ZNF521: variants seen among roughly 807,000 people sequenced by gnomAD.
The protein encoded by ZNF521 is LYST-interacting protein 3.
Under a neutral mutation model 105.5 loss-of-function variants are expected in ZNF521, and 14 were observed. That is an observed-to-expected ratio of 0.13 (90% CI 0.09 to 0.21). The LOEUF is 0.21. Ranked by LOEUF, ZNF521 falls within the 10% of genes least tolerant of loss-of-function variation. The probability of loss-of-function intolerance (pLI) is 1.00; values close to 1 mark genes in which losing one functional copy is unlikely to be tolerated. For missense variants in ZNF521, 1,233 were observed against 1,629.7 expected (o/e 0.76, Z 4.19); for synonymous variants, 635 against 606.0 (o/e 1.05, Z -0.70).
In ZNF521 at chr18:25,277,541, A is replaced by G. The variant is rs551835624; in HGVS notation, c.220+44467T>C. Among the ~76,000 whole-genome samples, 6 of 152,354 alleles carry G rather than the reference A, an allele frequency of 3.9e-5. No individual in the cohort carries two copies. The East Asian group carries it at 9.6e-4, about 24-fold the overall frequency. ...AAGTAAAATATGCATAAATGATTGT[A>G]CTGACAGAAACCTGAGTGCCAAAGG... is the stretch of plus-strand genomic sequence containing the variant. On this transcript the variant is annotated intron_variant, in intron 3 of 7. Coordinates refer to ENST00000361524, the MANE Select transcript of ZNF521 (RefSeq NM_015461.3).
At chr18:25,290,843 T>C (rs751975617) in intron 3 of ZNF521, among the ~76,000 whole-genome samples, 2 of 152,080 alleles carry the variant, frequency 1.3e-5, no homozygotes, top group African/African-American at 2.4e-5. Flanking sequence ...CGTGAGCCAC[T>C]GCACCCAGCT....
At chr18:25,190,068 C>T (rs190319544) in intron 5 of ZNF521, among the ~76,000 whole-genome samples, 25 of 152,202 alleles carry the variant, frequency 1.6e-4, no homozygotes, top group Admixed American at 1.4e-3. Flanking sequence ...TGTAGAAACC[C>T]TTTATGGGCT....
intron 3 of ZNF521, among the ~76,000 whole-genome samples, chr18:25,291,824 T>C (rs1417335742): frequency 2.0e-5 from 3 of 152,148 alleles, no homozygotes; most frequent in Non-Finnish European, 4.4e-5. Context: ...TTTCTGAGTT[T>C]CCAGAATACA....
intron 7 of ZNF521, 103 bp from the exon 8 acceptor site, chr18:25,062,844 C>CATGTAATT (rs1305772548): frequency 9.2e-7 from 1 of 1,091,350 alleles, no homozygotes; most frequent in East Asian, 2.6e-5. Context: ...AGCATATATA[C>CATGTAATT]ATGTAATTAA....
At chr18:25,106,911 T>G (rs2034084318) in intron 5 of ZNF521, among the ~76,000 whole-genome samples, 1 of 152,184 alleles carries the variant, frequency 6.6e-6, no homozygotes, top group Non-Finnish European at 1.5e-5. Flanking sequence ...CTAGGCCTGG[T>G]ATGTTAGCAA....
chr18:25,313,824 T>G (rs1055161533), intron 3 of ZNF521, among the ~76,000 whole-genome samples: 1 of 152,072 alleles, frequency 6.6e-6, no homozygotes, highest in African/African-American at 2.4e-5. Context: ...AAAATGCATA[T>G]AGAGATGGGC....
intron 4 of ZNF521, among the ~76,000 whole-genome samples, chr18:25,200,084 C>T (rs1308359642): frequency 6.6e-6 from 1 of 152,038 alleles, no homozygotes; most frequent in African/African-American, 2.4e-5. Context: ...TATAACCAAG[C>T]CAGGATTCTA....
chr18:25,115,002 A>T (rs1323103213), intron 5 of ZNF521, among the ~76,000 whole-genome samples: 2 of 152,026 alleles, frequency 1.3e-5, no homozygotes, highest in Admixed American at 6.6e-5. Flanking sequence ...TCCTTTATAA[A>T]TTTGCTGTTT....
intron 3 of ZNF521, among the ~76,000 whole-genome samples, chr18:25,282,723 G>T (rs1228721140): frequency 6.6e-6 from 1 of 152,042 alleles, no homozygotes; most frequent in Non-Finnish European, 1.5e-5. Flanking sequence ...CACCTAAAAA[G>T]AAATATTATT....
chr18:25,269,984 A>T (rs1568046191), intron 3 of ZNF521, among the ~76,000 whole-genome samples: 1 of 151,828 alleles, frequency 6.6e-6, no homozygotes, highest in Non-Finnish European at 1.5e-5. Flanking sequence ...GCCCTTCAAA[A>T]AATCCAGGAG....
At chr18:25,137,631 C>G (rs923809025) in intron 5 of ZNF521, among the ~76,000 whole-genome samples, 7 of 152,098 alleles carry the variant, frequency 4.6e-5, no homozygotes, top group Admixed American at 3.9e-4. Flanking sequence ...CTTCATTTTT[C>G]CTGTCCAGAT....
chr18:25,113,254 G>C (rs1408213258), intron 5 of ZNF521, among the ~76,000 whole-genome samples: 2 of 151,978 alleles, frequency 1.3e-5, no homozygotes, highest in Non-Finnish European at 2.9e-5. Context: ...GTCCACCAGG[G>C]AGCCCAGCCT....
chr18:25,332,811 T>C (rs1913653549), intron 2 of ZNF521, among the ~76,000 whole-genome samples: 1 of 152,150 alleles, frequency 6.6e-6, no homozygotes, highest in Admixed American at 6.5e-5. Flanking sequence ...GTGCATTCAA[T>C]CTGCATGTAT....
chr18:25,093,336 C>T (rs888636871), intron 5 of ZNF521, among the ~76,000 whole-genome samples: 9 of 152,148 alleles, frequency 5.9e-5, no homozygotes, highest in African/African-American at 2.2e-4. Flanking sequence ...TATCACATTA[C>T]ACTTTTATAT....
chr18:25,210,145 T>A (rs1004710699), intron 4 of ZNF521, among the ~76,000 whole-genome samples: 1 of 152,154 alleles, frequency 6.6e-6, no homozygotes, highest in East Asian at 1.9e-4. Context: ...ACATATGACA[T>A]TGGTAGTGTG....
intron 3 of ZNF521, among the ~76,000 whole-genome samples, chr18:25,285,065 A>G (rs78827249): frequency 0.036 from 5,391 of 148,548 alleles, 148 homozygotes; most frequent in East Asian, 0.085. Context: ...AGAAAAGGGA[A>G]AAAAAAAAAA....
At chr18:25,316,108 T>C (rs1266436175) in intron 3 of ZNF521, among the ~76,000 whole-genome samples, 1 of 151,908 alleles carries the variant, frequency 6.6e-6, no homozygotes, top group Non-Finnish European at 1.5e-5. Context: ...GGGCCAAACA[T>C]GTCAGTAACG....
chr18:25,212,440 G>A (rs1442902343), intron 4 of ZNF521, among the ~76,000 whole-genome samples: 1 of 141,618 alleles, frequency 7.1e-6, no homozygotes, highest in African/African-American at 2.6e-5. Context: ...AACCCGGTAG[G>A]TGGACGTTGT....
intron 2 of ZNF521, among the ~76,000 whole-genome samples, chr18:25,339,916 A>G (rs1329485232): frequency 1.3e-5 from 2 of 152,222 alleles, no homozygotes; most frequent in African/African-American, 4.8e-5. Context: ...CCACAATCTA[A>G]GCCTAGAAGA....
Sources: allele counts gnomAD v4.1 joint callset (sites outside exome capture counted in the v4.1 genomes callset), GRCh38; gene constraint gnomAD v4.1.1; transcripts MANE v1.5; gene names NCBI Gene and HGNC (gene_info 2026-07-23, HGNC 2026-07-21).